Variants in KCTD1 observed in about 807,000 individuals in gnomAD.
KCTD1 encodes the protein potassium channel tetramerization domain containing 1.
Under a neutral mutation model 66.0 loss-of-function variants are expected in KCTD1, and 24 were observed. The ratio of observed to expected loss-of-function variants is 0.36; its 90% CI spans 0.26 to 0.51. KCTD1 has a LOEUF of 0.51. Among genes scored for constraint, KCTD1 ranks in the 20% least tolerant of loss-of-function variants. The pLI, the probability that KCTD1 is intolerant of heterozygous loss-of-function variation, is 0.95. For missense variants in KCTD1, 943 were observed against 1,205.2 expected (o/e 0.78, Z 3.22); for synonymous variants, 511 against 517.2 (o/e 0.99, Z 0.16).
intron 1 of KCTD1, chr18:26,581,419 G>A (rs1231860641): frequency 6.6e-6 from 1 of 152,100 alleles, no homozygotes; most frequent in East Asian, 1.9e-4. Context: ...CATCATGCCT[G>A]GCTAATTTTT....
intron 1 of KCTD1, chr18:26,543,082 A>C (rs776613960): frequency 6.6e-6 from 1 of 152,236 alleles, no homozygotes; most frequent in Non-Finnish European, 1.5e-5. Flanking sequence ...GACTCCTGGT[A>C]CAAAAGCCAA....
intron 3 of KCTD1, among the ~76,000 whole-genome samples, chr18:26,471,739 T>C (rs12104094): frequency 0.21 from 32,486 of 152,132 alleles, 3,676 homozygotes; most frequent in African/African-American, 0.26. Context: ...AGCATCTCTA[T>C]TATGTCTTAC....
chr18:26,598,754 G>C (rs1986825367), intron 1 of KCTD1, among the ~76,000 whole-genome samples: 1 of 152,006 alleles, frequency 6.6e-6, no homozygotes, highest in Non-Finnish European at 1.5e-5. Context: ...TAATAAGATT[G>C]AGCATCTTTT....
intron 2 of KCTD1, among the ~76,000 whole-genome samples, chr18:26,478,050 A>G (rs1307209713): frequency 1.3e-5 from 2 of 152,220 alleles, no homozygotes; most frequent in Non-Finnish European, 2.9e-5. Flanking sequence ...AAACTAAAAT[A>G]TGCTTAGTCA....
At chr18:26,578,096 G>T (rs550170148) in intron 1 of KCTD1, among the ~76,000 whole-genome samples, 8 of 114,420 alleles carry the variant, frequency 7.0e-5, no homozygotes, top group Admixed American at 2.4e-4. Context: ...TTGCTCTGTT[G>T]CCCAGGATGG....
At chr18:26,480,091 A>T (rs1452606770) in intron 2 of KCTD1, among the ~76,000 whole-genome samples, 1 of 148,498 alleles carries the variant, frequency 6.7e-6, no homozygotes, top group Non-Finnish European at 1.5e-5. Flanking sequence ...CAATGCTGAG[A>T]ACGACTTTCT....
chr18:26,613,407 G>A (rs745318474), intron 1 of KCTD1, among the ~76,000 whole-genome samples: 30 of 152,166 alleles, frequency 2.0e-4, no homozygotes, highest in Non-Finnish European at 3.7e-4. Flanking sequence ...TGAACAGCCT[G>A]TCACTGCTCA....
chr18:26,642,734 T>C (rs1987855323), upstream of KCTD1, among the ~76,000 whole-genome samples: 1 of 152,232 alleles, frequency 6.6e-6, no homozygotes, highest in African/African-American at 2.4e-5. Context: ...CTGCAGAGGT[T>C]GCGATCCCAA....
At chr18:26,593,351 G>GGAA (rs1986660271) in intron 1 of KCTD1, among the ~76,000 whole-genome samples, 1 of 43,926 alleles carries the variant, frequency 2.3e-5, no homozygotes, top group African/African-American at 5.3e-5. Flanking sequence ...AGGAAGAGGA[G>GGAA]GAGGAGGAAG....
chr18:26,546,126 T>C (rs1214028241), intron 1 of KCTD1, among the ~76,000 whole-genome samples: 1 of 151,566 alleles, frequency 6.6e-6, no homozygotes, highest in Non-Finnish European at 1.5e-5. Context: ...CTTTAGTTTA[T>C]GGAAATTGCA....
chr18:26,548,929 G>A, upstream of KCTD1: 1 of 988,218 alleles, frequency 1.0e-6, no homozygotes, highest in Non-Finnish European at 1.2e-6. Flanking sequence ...GCGGGAGAGA[G>A]GGAGGGCCGG....
intron 1 of KCTD1, among the ~76,000 whole-genome samples, chr18:26,621,876 G>A (rs1987394224): frequency 6.6e-6 from 1 of 152,126 alleles, no homozygotes; most frequent in Non-Finnish European, 1.5e-5. Flanking sequence ...GCCTCTGCAG[G>A]AGAGTTAAAT....
At chr18:26,463,887 C>G (rs1980580755) in intron 3 of KCTD1, among the ~76,000 whole-genome samples, 1 of 152,078 alleles carries the variant, frequency 6.6e-6, no homozygotes, top group Non-Finnish European at 1.5e-5. Context: ...TTTTTTGAGG[C>G]AGGAAGATCA....
intron 1 of KCTD1, among the ~76,000 whole-genome samples, chr18:26,502,338 C>T (rs966609482): frequency 6.6e-6 from 1 of 152,142 alleles, no homozygotes; most frequent in South Asian, 2.1e-4. Context: ...GGTGAGCCAC[C>T]GTGCCCAGCC....
intron 1 of KCTD1, among the ~76,000 whole-genome samples, chr18:26,579,453 G>A (rs1986302865): frequency 1.3e-5 from 2 of 152,116 alleles, no homozygotes; most frequent in Non-Finnish European, 2.9e-5. Flanking sequence ...AACGAAAATT[G>A]TAAATTTTTT....
intron 1 of KCTD1, among the ~76,000 whole-genome samples, chr18:26,586,773 C>G (rs1331493111): frequency 2.8e-5 from 4 of 141,384 alleles, no homozygotes; most frequent in Admixed American, 7.5e-5. Context: ...ACAACATTCC[C>G]TTAAGCCAAA....
At chr18:26,516,833 C>G (rs1166570036) in intron 1 of KCTD1, among the ~76,000 whole-genome samples, 1 of 152,082 alleles carries the variant, frequency 6.6e-6, no homozygotes, top group East Asian at 1.9e-4. Context: ...GTGATTTGTC[C>G]CTCAGGACAG....
At chr18:26,469,626 A>G (rs1980943619) in intron 3 of KCTD1, among the ~76,000 whole-genome samples, 1 of 152,200 alleles carries the variant, frequency 6.6e-6, no homozygotes, top group African/African-American at 2.4e-5. Context: ...TTATAAATTA[A>G]TATTATTCTG....
At chr18:26,581,497 A>G (rs1986352445) in intron 1 of KCTD1, 1 of 152,220 alleles carries the variant, frequency 6.6e-6, no homozygotes, top group Non-Finnish European at 1.5e-5. Flanking sequence ...GACTCAAGAG[A>G]TCCTCCCGCC....
Sources: allele counts gnomAD v4.1 joint callset (sites outside exome capture counted in the v4.1 genomes callset), GRCh38; gene constraint gnomAD v4.1.1; transcripts MANE v1.5; gene names NCBI Gene and HGNC (gene_info 2026-07-23, HGNC 2026-07-21).